Variants in CFAP61 observed in about 807,000 individuals in gnomAD.
CFAP61 encodes the protein cilia- and flagella-associated protein 61.
A neutral mutation model predicts 135.6 loss-of-function variants in CFAP61; 107 were observed. That is an observed-to-expected ratio of 0.79 (90% confidence interval 0.67 to 0.93). CFAP61 has a LOEUF of 0.93. Among genes scored for constraint, CFAP61 ranks in the 40% least tolerant of loss-of-function variants. The pLI is 0.00. For synonymous variants in CFAP61, 575 were observed against 578.5 expected (o/e 0.99, Z 0.09); for missense variants, 1,507 against 1,556.2 (o/e 0.97, Z 0.53).
At chr20:20,317,719 C>G (rs1451323291) in intron 25 of CFAP61, among the ~76,000 whole-genome samples, 1 of 152,050 alleles carries the variant, frequency 6.6e-6, no homozygotes, top group Non-Finnish European at 1.5e-5. Context: ...GGCCAGGATA[C>G]GTGCTGAAGG....
chr20:20,174,247 A>G (rs2054438910), intron 13 of CFAP61, among the ~76,000 whole-genome samples: 4 of 152,172 alleles, frequency 2.6e-5, no homozygotes, highest in African/African-American at 9.7e-5. Flanking sequence ...CCTCCTTCAC[A>G]GCCTCCTCCA....
intron 13 of CFAP61, among the ~76,000 whole-genome samples, chr20:20,175,782 C>T (rs568271025): frequency 2.6e-5 from 4 of 152,174 alleles, no homozygotes; most frequent in South Asian, 2.1e-4. Flanking sequence ...CCACTCACCT[C>T]GGCCTCCCAA....
chr20:20,125,134 T>C (rs1347351370), intron 8 of CFAP61, among the ~76,000 whole-genome samples: 4 of 151,856 alleles, frequency 2.6e-5, no homozygotes, highest in Admixed American at 2.6e-4. Context: ...ATCTTGCTAA[T>C]GGTCTGTCAA....
At chr20:20,177,678 G>A (rs1601197532) in intron 13 of CFAP61, among the ~76,000 whole-genome samples, 2 of 150,674 alleles carry the variant, frequency 1.3e-5, no homozygotes, top group African/African-American at 4.9e-5. Context: ...CCCTCACGGG[G>A]GGCCTGCATT....
intron 8 of CFAP61, among the ~76,000 whole-genome samples, chr20:20,102,645 C>T (rs1261223372): frequency 6.6e-6 from 1 of 152,106 alleles, no homozygotes; most frequent in Admixed American, 6.5e-5. Context: ...CACCCTCCAC[C>T]CTCAAAAGGC....
intron 6 of CFAP61, among the ~76,000 whole-genome samples, chr20:20,090,472 A>G (rs540205455): frequency 3.9e-5 from 6 of 152,236 alleles, no homozygotes; most frequent in Non-Finnish European, 7.4e-5. Flanking sequence ...CAGGCAGATC[A>G]TGAGGTCAAG....
rs1265935516 is a variant in CFAP61, at chr20:20,075,529, C to T, written c.480C>T (p.Ile160=). ...CTGTTTTTGACCAAGTGGGGAACAT[C>T]CCGTGTCTGACGTATGAGGAAGACT... ...LITVFDQVGN[I]PCLTYEEDFA... Residue 160 remains isoleucine (I), a synonymous_variant, in exon 6 of 27, where the codon ATC becomes ATT. Transcript: ENST00000245957. The T allele has an allele frequency of 6.2e-7, 1 of 1,613,940 alleles. No individual in the cohort carries two copies. Among genetic ancestry groups the T allele is most frequent in the African/African-American group, 1.3e-5 (1 of 74,912 alleles).
intron 1 of CFAP61, among the ~76,000 whole-genome samples, chr20:20,055,119 C>G (rs572185078): frequency 2.1e-3 from 322 of 152,216 alleles, no homozygotes; most frequent in African/African-American, 7.5e-3. Flanking sequence ...ATTTTAATAA[C>G]CACGTATTTC....
chr20:20,275,894 C>T (rs2053722138), intron 21 of CFAP61, among the ~76,000 whole-genome samples: 1 of 152,174 alleles, frequency 6.6e-6, no homozygotes, highest in South Asian at 2.1e-4. Flanking sequence ...AAGGAAAATG[C>T]AGCTCACCAA....
At chr20:20,137,425 C>G (rs2051020751) in intron 8 of CFAP61, among the ~76,000 whole-genome samples, 1 of 152,176 alleles carries the variant, frequency 6.6e-6, no homozygotes, top group South Asian at 2.1e-4. Context: ...ATCTGGTGCT[C>G]TGTTCTACTG....
chr20:20,111,163 AAAAT>A (rs1173426485), intron 8 of CFAP61, among the ~76,000 whole-genome samples: 2 of 152,228 alleles, frequency 1.3e-5, no homozygotes, highest in Non-Finnish European at 2.9e-5. Flanking sequence ...TTTTGTTTGT[AAAAT>A]AAATCTAGTT....
intron 26 of CFAP61, among the ~76,000 whole-genome samples, chr20:20,358,331 A>G (rs1353718811): frequency 1.3e-5 from 2 of 152,132 alleles, no homozygotes; most frequent in Admixed American, 1.3e-4. Flanking sequence ...ATCCTTCAAG[A>G]GGCAAGTGCC....
rs538474875 is a variant in CFAP61 at position 20,083,050 on chromosome 20, A to G, written c.566+7435A>G. ...AAAAGATACATGTATACACACGTTT[A>G]TAGCAGCACAATTTACAATTGCAAG... is the stretch of plus-strand genomic sequence containing the variant. On this transcript the variant is annotated intron_variant, in intron 6 of 26. Transcript: ENST00000245957. Among the ~76,000 whole-genome samples, 12 of 152,348 alleles carry G rather than the reference A, an allele frequency of 7.9e-5. No individual in the cohort carries two copies. The South Asian group carries it at 2.3e-3, about 29-fold the overall frequency.
At chr20:20,294,734 C>G (rs1035390772) in intron 24 of CFAP61, among the ~76,000 whole-genome samples, 11 of 151,826 alleles carry the variant, frequency 7.2e-5, no homozygotes, top group African/African-American at 2.4e-4. Flanking sequence ...CGAGACCATC[C>G]TGGCTAACAA....
Position 20,098,960 on chromosome 20 carries a change from C to T in CFAP61, c.859+146C>T, listed in dbSNP as rs963393083. The T allele has an allele frequency of 5.6e-6, 4 of 719,752 alleles. No homozygotes were observed. The African/African-American group carries it at 7.1e-5, about 13-fold the overall frequency. 44.6% of individuals were successfully genotyped at this position (719,752 alleles called of 1,614,324 possible). A position where few individuals can be genotyped will look rare whatever the true frequency, so the allele number is the denominator to read the frequency against. Reference sequence around the variant, plus strand: ...AAGGAGTAGTTCCCATGGTTGGTCACATCCTTGTGAAATACCTACAAGCAC... The same window carrying T: ...AAGGAGTAGTTCCCATGGTTGGTCATATCCTTGTGAAATACCTACAAGCAC... On this transcript the variant is annotated intron_variant, in intron 8 of 26. Transcript: ENST00000245957.
intron 10 of CFAP61, among the ~76,000 whole-genome samples, chr20:20,162,353 TG>T: frequency 6.6e-6 from 1 of 152,300 alleles, no homozygotes; most frequent in South Asian, 2.1e-4. Flanking sequence ...GTAACATCTT[TG>T]GGGACCACAG....
At chr20:20,324,070 C>T (rs374697330) in intron 25 of CFAP61, among the ~76,000 whole-genome samples, 24 of 152,150 alleles carry the variant, frequency 1.6e-4, no homozygotes, top group African/African-American at 4.8e-4. Context: ...ATCTTTTTGG[C>T]GTATCCTTGA....
At chr20:20,309,942 C>T (rs1323457247) in intron 25 of CFAP61, among the ~76,000 whole-genome samples, 3 of 152,160 alleles carry the variant, frequency 2.0e-5, no homozygotes, top group Non-Finnish European at 4.4e-5. Flanking sequence ...CTCAACACAC[C>T]ATAATGGGAC....
At chr20:20,084,177 A>T (rs1008924781) in intron 6 of CFAP61, among the ~76,000 whole-genome samples, 1 of 152,168 alleles carries the variant, frequency 6.6e-6, no homozygotes, top group Non-Finnish European at 1.5e-5. Flanking sequence ...CCACTAAATT[A>T]GATTTTCTAT....
Sources: allele counts gnomAD v4.1 joint callset (sites outside exome capture counted in the v4.1 genomes callset), GRCh38; gene constraint gnomAD v4.1.1; transcripts MANE v1.5; gene names NCBI Gene and HGNC (gene_info 2026-07-23, HGNC 2026-07-21).